The following TWIST2 variants were observed in gnomAD, a reference collection of about 807,000 sequenced individuals.
The protein encoded by TWIST2 is twist-related protein 2.
In TWIST2, 1 loss-of-function variant was observed where a neutral mutation model predicts 11.6. The observed-to-expected ratio is 0.09, with a 90% CI of 0.03 to 0.41. TWIST2 has a LOEUF of 0.41. Ranked by LOEUF, TWIST2 falls within the 10% of genes least tolerant of loss-of-function variation. The pLI is 0.98. For synonymous variants in TWIST2, 87 were observed against 96.6 expected (o/e 0.90, Z 0.58); for missense variants, 168 against 226.4 (o/e 0.74, Z 1.66).
intron 1 of TWIST2, among the ~76,000 whole-genome samples, chr2:238,909,193 GGT>G (rs1339475376): frequency 5.0e-3 from 27 of 5,400 alleles, no homozygotes; most frequent in Non-Finnish European, 7.0e-3. Flanking sequence ...TGGTATGTTT[GGT>G]GTGTGTGTGT....
chr2:238,876,177 A>G (rs887636756), intron 1 of TWIST2, among the ~76,000 whole-genome samples: 1 of 152,236 alleles, frequency 6.6e-6, no homozygotes. Flanking sequence ...TGGGAAGTTC[A>G]GGAACGGCTG....
At chr2:238,901,232 C>G (rs1012484851) in intron 1 of TWIST2, among the ~76,000 whole-genome samples, 85 of 152,192 alleles carry the variant, frequency 5.6e-4, no homozygotes, top group African/African-American at 2.0e-3. Flanking sequence ...CTGCCTTGGC[C>G]TCCCAAAGTG....
chr2:238,870,304 ACACCCCACACACCCCCACACACC>A (rs1692640929), intron 1 of TWIST2, among the ~76,000 whole-genome samples: 1 of 2,402 alleles, frequency 4.2e-4, no homozygotes. Flanking sequence ...ACACCCCCAC[ACACCCCACACACCCCCACACACC>A]CCACACACCC....
intron 1 of TWIST2, among the ~76,000 whole-genome samples, chr2:238,877,574 C>G (rs1692829688): frequency 6.6e-6 from 1 of 152,102 alleles, no homozygotes; most frequent in Non-Finnish European, 1.5e-5. Flanking sequence ...AGATGTCATT[C>G]ACACAAACAA....
chr2:238,882,795 A>G (rs1263064364), intron 1 of TWIST2, among the ~76,000 whole-genome samples: 3 of 152,126 alleles, frequency 2.0e-5, no homozygotes, highest in African/African-American at 7.2e-5. Context: ...TGATATCTTG[A>G]TTTTAAAAGT....
intron 1 of TWIST2, among the ~76,000 whole-genome samples, chr2:238,888,348 G>A (rs575292714): frequency 3.6e-4 from 35 of 97,036 alleles, no homozygotes; most frequent in Middle Eastern, 5.8e-3. Flanking sequence ...TTGCAGGGCC[G>A]TGCTTTGTTT....
At chr2:238,880,380 T>C (rs1404541456) in intron 1 of TWIST2, among the ~76,000 whole-genome samples, 1 of 132,866 alleles carries the variant, frequency 7.5e-6, no homozygotes, top group Non-Finnish European at 1.6e-5. Context: ...TTAGCATTAG[T>C]ATTAATGTTA....
chr2:238,898,131 G>C (rs1693225983), intron 1 of TWIST2, among the ~76,000 whole-genome samples: 1 of 152,208 alleles, frequency 6.6e-6, no homozygotes, highest in South Asian at 2.1e-4. Context: ...CGCGGTCTCA[G>C]GGCCCGGGTG....
intron 1 of TWIST2, among the ~76,000 whole-genome samples, chr2:238,895,040 C>T (rs1037443179): frequency 1.6e-4 from 24 of 152,198 alleles, no homozygotes; most frequent in Non-Finnish European, 2.8e-4. Context: ...CACGTGCCTG[C>T]GTCAGGCAGA....
At chr2:238,891,079 C>T (rs536554434) in intron 1 of TWIST2, among the ~76,000 whole-genome samples, 15 of 152,298 alleles carry the variant, frequency 9.8e-5, no homozygotes, top group Non-Finnish European at 1.9e-4. Context: ...CACTTTTAGA[C>T]GGAGGACGTC....
At position 238,850,893 on chromosome 2, in the gene TWIST2, T is replaced by G. The variant is rs36147821; in HGVS notation, c.*35+2160T>G. On this transcript the variant is annotated intron_variant, in intron 1 of 1. Coordinates refer to ENST00000612363, the MANE Select transcript of TWIST2 (RefSeq NM_001271893.4). ...GAAGAGAAAAGAAATATGGAAAAAT[T>G]TTATCCATGAATGATTCTGGACACA... 5.6e-3 allele frequency among the ~76,000 whole-genome samples: 853 copies of G among 152,252 alleles called. 8 individuals carry two copies. The highest frequency in any genetic ancestry group is 0.01 in the Non-Finnish European group (682 of 68,012).
At chr2:238,856,350 A>G (rs1692328424) in intron 1 of TWIST2, among the ~76,000 whole-genome samples, 1 of 152,228 alleles carries the variant, frequency 6.6e-6, no homozygotes, top group Non-Finnish European at 1.5e-5. Flanking sequence ...GCAAAAGATG[A>G]GCACGGTTAC....
chr2:238,889,777 G>A lies in TWIST2; in HGVS notation c.*36-20065G>A, dbSNP rs1345410058. ...GCTCTGATGCTCTGATACTCAGTGC[G>A]TTCATTACAGATTTCTTAATATTAA... On this transcript the variant is annotated intron_variant, in intron 1 of 1. Coordinates refer to ENST00000612363, the MANE Select transcript of TWIST2 (RefSeq NM_001271893.4). Among the ~76,000 whole-genome samples, 7 of 152,326 alleles carry A rather than the reference G, an allele frequency of 4.6e-5. 1 individual carries two copies. The Middle Eastern group carries it at 0.01, about 222-fold the overall frequency.
At chr2:238,886,125 A>G (rs887745680) in intron 1 of TWIST2, among the ~76,000 whole-genome samples, 1 of 151,110 alleles carries the variant, frequency 6.6e-6, no homozygotes, top group Non-Finnish European at 1.5e-5. Context: ...CACATTACTG[A>G]TGATTTTCTC....
intron 1 of TWIST2, among the ~76,000 whole-genome samples, chr2:238,851,832 A>C (rs1692247392): frequency 6.6e-6 from 1 of 152,240 alleles, no homozygotes; most frequent in Non-Finnish European, 1.5e-5. Flanking sequence ...TTGGTTACAA[A>C]ATACCCATCA....
At chr2:238,872,829 T>C (rs1431030771) in intron 1 of TWIST2, among the ~76,000 whole-genome samples, 2 of 152,198 alleles carry the variant, frequency 1.3e-5, no homozygotes, top group South Asian at 4.1e-4. Context: ...AGGCACACGC[T>C]CCGCAGATGG....
chr2:238,895,707 G>T lies in TWIST2; in HGVS notation c.*36-14135G>T, dbSNP rs961410837. ...GGAAGAGGGTGGGGTAGATCCTGAC[G>T]GACCGGTCAGACTCTGCGGCCTCAG... is the stretch of plus-strand genomic sequence containing the variant. On this transcript the variant is annotated intron_variant, in intron 1 of 1. Transcript: ENST00000612363. 5.1e-4 allele frequency among the ~76,000 whole-genome samples: 78 copies of T among 152,300 alleles called. 1 individual carries two copies. The highest frequency in any genetic ancestry group is 1.7e-3 in the African/African-American group (71 of 41,572).
intron 1 of TWIST2, among the ~76,000 whole-genome samples, chr2:238,873,741 G>T (rs1418831846): frequency 1.3e-5 from 2 of 152,148 alleles, no homozygotes; most frequent in African/African-American, 2.4e-5. Flanking sequence ...GAGTCACGCT[G>T]GTCTTGGAAA....
intron 1 of TWIST2, among the ~76,000 whole-genome samples, chr2:238,859,869 C>G (rs186246386): frequency 8.2e-4 from 125 of 152,336 alleles, no homozygotes; most frequent in African/African-American, 2.8e-3. Context: ...CTTTTTGTGA[C>G]ATGTTGAGTA....
Sources: allele counts gnomAD v4.1 joint callset (sites outside exome capture counted in the v4.1 genomes callset), GRCh38; gene constraint gnomAD v4.1.1; transcripts MANE v1.5; gene names NCBI Gene and HGNC (gene_info 2026-07-23, HGNC 2026-07-21).